Variants in INPP5D observed in about 807,000 individuals in gnomAD.
INPP5D encodes the protein phosphatidylinositol 3,4,5-trisphosphate 5-phosphatase 1.
In INPP5D, 33 loss-of-function variants were observed where a neutral mutation model predicts 122.9. That is an observed-to-expected ratio of 0.27 (90% CI 0.20 to 0.36). The LOEUF is 0.36. Among genes scored for constraint, INPP5D ranks in the 10% least tolerant of loss-of-function variants. INPP5D has a pLI of 1.00. For missense variants in INPP5D, 1,053 were observed against 1,412.7 expected (o/e 0.75, Z 4.08); for synonymous variants, 584 against 576.2 (o/e 1.01, Z -0.19).
At position 233,184,957 on chromosome 2, in the gene INPP5D, G is replaced by A. The variant is rs181533904; in HGVS notation, c.2275+436G>A. 3.6e-3 allele frequency among the ~76,000 whole-genome samples: 549 copies of A among 152,180 alleles called. 12 individuals carry two copies. The highest frequency in any genetic ancestry group is 1.7e-3 in the East Asian group (9 of 5,168). The stretch of plus-strand genomic sequence containing the variant: ...CCCCTCTTGCTCGTTGGAGATCACA[G>A]CGTCTTTCTCGGGGGGACTGCAGCG... On this transcript the variant is annotated intron_variant, in intron 20 of 26. Transcript: ENST00000445964.
At position 233,204,369 on chromosome 2, in the gene INPP5D, G is replaced by C. The variant is rs748724329; in HGVS notation, c.3219G>C (p.Gly1073=). ...TKAQEADRGE[G]PGKQVPAPRL... is the part of the protein sequence containing the mutation. Reference sequence around the variant, plus strand: ...CCCAGGAGGCTGATCGCGGCGAGGGGCCCGGCAAGCAGGTGCCCGCGCCCC... The same window carrying C: ...CCCAGGAGGCTGATCGCGGCGAGGGCCCCGGCAAGCAGGTGCCCGCGCCCC... The change falls in exon 26 of 27, where the codon GGG becomes GGC. Residue 1073 remains glycine, a synonymous_variant. Transcript: ENST00000445964. The C allele has an allele frequency of 1.2e-6, 2 of 1,610,254 alleles. No homozygotes were observed. The highest frequency in any genetic ancestry group is 1.1e-5 in the South Asian group (1 of 90,914).
At chr2:233,157,241 C>T (rs141717757) in intron 9 of INPP5D, among the ~76,000 whole-genome samples, 4 of 152,182 alleles carry the variant, frequency 2.6e-5, no homozygotes, top group South Asian at 2.1e-4. Flanking sequence ...GGATTTAATA[C>T]GAGAGAGAGA....
At chr2:233,087,328 TA>T (rs1332741853) in intron 2 of INPP5D, among the ~76,000 whole-genome samples, 2 of 151,904 alleles carry the variant, frequency 1.3e-5, no homozygotes, top group African/African-American at 4.9e-5. Context: ...TTTATTTATT[TA>T]TTTATTTTTT....
Position 233,204,734 on chromosome 2 carries a change from G to A in INPP5D, c.3567+17G>A, listed in dbSNP as rs187986827. On this transcript the variant is annotated intron_variant, in intron 26 of 26. Transcript: ENST00000445964. ...GCCATGCAGGTGCGCTGCGCCACAC[G>A]TGGGTTCGTGTGCATTTGTGTGTGT... 232 of 1,473,546 alleles carry A rather than the reference G, an allele frequency of 1.6e-4. 1 individual carries two copies. The African/African-American group carries it at 2.8e-3, about 18-fold the overall frequency. 91.3% of individuals were successfully genotyped at this position (1,473,546 alleles called of 1,614,324 possible).
rs942212319 is a variant in INPP5D, at chr2:233,115,146, C to T, written c.199-6961C>T. On this transcript the variant is annotated intron_variant, in intron 2 of 26. Coordinates refer to ENST00000445964, the MANE Select transcript of INPP5D (RefSeq NM_001017915.3). Reference sequence around the variant, plus strand: ...CCTCCCAAAGTGCTGGGATTGCAAGCGTGAGCCATCGCGCCTGGCCTGTTT... The same window carrying T: ...CCTCCCAAAGTGCTGGGATTGCAAGTGTGAGCCATCGCGCCTGGCCTGTTT... Among the ~76,000 whole-genome samples the T allele has an allele frequency of 2.2e-4, 33 of 152,334 alleles. 1 individual carries two copies. Among genetic ancestry groups the T allele is most frequent in the South Asian group, 8.3e-4 (4 of 4,828 alleles).
intron 1 of INPP5D, among the ~76,000 whole-genome samples, chr2:233,074,668 A>T (rs1008388667): frequency 6.6e-6 from 1 of 151,568 alleles, no homozygotes; most frequent in African/African-American, 2.4e-5. Flanking sequence ...CTCCTACCCC[A>T]TCTTGTCCAG....
intron 6 of INPP5D, among the ~76,000 whole-genome samples, chr2:233,144,001 G>A (rs1202794779): frequency 1.4e-5 from 2 of 144,128 alleles, no homozygotes; most frequent in African/African-American, 5.4e-5. Context: ...GGTGGAGGTG[G>A]TCATGATTAT....
chr2:233,135,543 AT>A (rs1234283294), intron 5 of INPP5D, among the ~76,000 whole-genome samples: 1 of 152,008 alleles, frequency 6.6e-6, no homozygotes, highest in African/African-American at 2.4e-5. Context: ...CAACAAACAG[AT>A]TGTTACAAAC....
intron 5 of INPP5D, among the ~76,000 whole-genome samples, chr2:233,133,223 T>A (rs1014146223): frequency 1.3e-5 from 2 of 152,138 alleles, no homozygotes; most frequent in African/African-American, 4.8e-5. Flanking sequence ...TGAGCCACCA[T>A]GCCCAGTTCA....
intron 2 of INPP5D, among the ~76,000 whole-genome samples, chr2:233,118,886 G>T (rs150040449): frequency 6.6e-6 from 1 of 152,256 alleles, no homozygotes; most frequent in Non-Finnish European, 1.5e-5. Context: ...CTGGGAACCC[G>T]GGCAGCCGGC....
intron 17 of INPP5D, among the ~76,000 whole-genome samples, chr2:233,175,932 T>A (rs917904178): frequency 6.6e-6 from 1 of 152,220 alleles, no homozygotes; most frequent in Non-Finnish European, 1.5e-5. Context: ...TCCACCCGCC[T>A]TGGCCTCCCA....
In INPP5D at chr2:233,198,627, A is replaced by T. The variant is rs544758237; in HGVS notation, c.2975+251A>T. The stretch of plus-strand genomic sequence containing the variant: ...TGTAAAGATATTGCCAAGAAAAGGA[A>T]CCTCCTATAAAAACTATATACATAT... On this transcript the variant is annotated intron_variant, in intron 25 of 26. Coordinates refer to ENST00000445964, the MANE Select transcript of INPP5D (RefSeq NM_001017915.3). Among the ~76,000 whole-genome samples the T allele has an allele frequency of 2.6e-5, 4 of 152,232 alleles. No homozygotes were observed. The East Asian group carries it at 7.7e-4, about 29-fold the overall frequency.
intron 21 of INPP5D, 138 bp downstream of exon 21, chr2:233,186,063 T>C: frequency 7.9e-7 from 1 of 1,260,016 alleles, no homozygotes; most frequent in African/African-American, 1.5e-5. Context: ...AGAGACCCAC[T>C]CTAGGAGCAA....
intron 1 of INPP5D, among the ~76,000 whole-genome samples, chr2:233,075,679 C>T (rs1691502323): frequency 6.6e-6 from 1 of 152,140 alleles, no homozygotes; most frequent in African/African-American, 2.4e-5. Flanking sequence ...GAGCACCTTC[C>T]TCCACCGCTT....
At position 233,082,716 on chromosome 2, in the gene INPP5D, T is replaced by C. The variant is rs1165241076; in HGVS notation, c.198+3318T>C. On this transcript the variant is annotated intron_variant, in intron 2 of 26. Coordinates refer to ENST00000445964, the MANE Select transcript of INPP5D (RefSeq NM_001017915.3). The surrounding 1 kb of genome is among the most constrained non-coding windows in gnomAD (Gnocchi z 4.7). ...GCCTCACCTGGGGGACTCTTTTCTC[T>C]CACTCCATCTTTCACAGACTTAAAA... Among the ~76,000 whole-genome samples, 1 of 152,172 alleles carries C rather than the reference T, an allele frequency of 6.6e-6. No individual in the cohort carries two copies. Among genetic ancestry groups the C allele is most frequent in the Non-Finnish European group, 1.5e-5 (1 of 68,024 alleles).
At chr2:233,181,003 G>A (rs1056694279) in intron 18 of INPP5D, among the ~76,000 whole-genome samples, 3 of 152,096 alleles carry the variant, frequency 2.0e-5, no homozygotes, top group Admixed American at 6.6e-5. Context: ...TGATGCCCTC[G>A]CATCTTCCTC....
At chr2:233,122,042 C>T (rs1574744316) in intron 2 of INPP5D, 65 bp from the exon 3 acceptor site, 1 of 1,582,764 alleles carries the variant, frequency 6.3e-7, no homozygotes, top group East Asian at 2.2e-5. Context: ...CTGCAGTTGG[C>T]CTTTGTGGTT....
rs892288667 is a variant in INPP5D at position 233,206,941 on chromosome 2, T to C, written c.*233T>C. On this transcript the variant is annotated 3_prime_UTR_variant, in exon 27 of 27. Coordinates refer to ENST00000445964, the MANE Select transcript of INPP5D (RefSeq NM_001017915.3). This position sits in a 1 kb window ranked among gnomAD's most constrained non-coding sequence, Gnocchi z 4.0. ...CACACCAGACGGGCAACAAACAGTCTGGGTCCCCAGCTCGCTCTTGGTACT... is the reference window on the plus strand; with the variant it reads ...CACACCAGACGGGCAACAAACAGTCCGGGTCCCCAGCTCGCTCTTGGTACT... 7 of 518,514 alleles carry C rather than the reference T, an allele frequency of 1.4e-5. No homozygotes were observed. In the African/African-American group the frequency reaches 1.4e-4, roughly 10 times the overall value. 32.1% of individuals were successfully genotyped at this position (518,514 alleles called of 1,614,324 possible).
rs556666399 is a variant in INPP5D at position 233,082,200 on chromosome 2, T to C, written c.198+2802T>C. Among the ~76,000 whole-genome samples the C allele has an allele frequency of 6.6e-6, 1 of 152,130 alleles. No homozygotes were observed. The highest frequency in any genetic ancestry group is 1.5e-5 in the Non-Finnish European group (1 of 68,018). On this transcript the variant is annotated intron_variant, in intron 2 of 26. Transcript: ENST00000445964. The surrounding 1 kb of genome is among the most constrained non-coding windows in gnomAD (Gnocchi z 4.7). ...AAGGTGAATTAAAGGGGAATTCTCA[T>C]AGGATTCTCCCAGGTGGACTCACCT...
Sources: gnomAD v4.1 joint callset for allele counts (sites outside exome capture counted in the v4.1 genomes callset) on GRCh38, gnomAD v4.1.1 for gene constraint, Gnocchi (gnomAD v3.1) non-coding constraint, MANE v1.5 for transcripts, NCBI Gene and HGNC (gene_info 2026-07-23, HGNC 2026-07-21) for gene names.